The following PCDHGA1 variants were observed in gnomAD, a reference collection of about 807,000 sequenced individuals.
The protein encoded by PCDHGA1 is protocadherin gamma-A1.
Under a neutral mutation model 58.0 loss-of-function variants are expected in PCDHGA1, and 32 were observed. The observed-to-expected ratio is 0.55, with a 90% CI of 0.42 to 0.74. PCDHGA1 has a LOEUF of 0.74. Among genes scored for constraint, PCDHGA1 ranks in the 30% least tolerant of loss-of-function variants. The pLI is 0.00. For synonymous variants in PCDHGA1, 498 were observed against 501.1 expected, an observed-to-expected ratio of 0.99 and a Z score of 0.08; for missense variants, 1,205 against 1,182.3, an observed-to-expected ratio of 1.02 and a Z score of -0.28.
chr5:141,416,233 C>T (rs1313671195), intron 1 of PCDHGA1: 1 of 152,210 alleles, frequency 6.6e-6, no homozygotes, highest in Non-Finnish European at 1.5e-5. Flanking sequence ...ATTTTTCCAG[C>T]CCTATTTATA....
In PCDHGA1 at chr5:141,431,141, G is replaced by A. The variant is rs1262504427; in HGVS notation, c.2422-63666G>A. 24 of 1,614,212 alleles carry A rather than the reference G, an allele frequency of 1.5e-5. No individual in the cohort carries two copies. The highest frequency in any genetic ancestry group is 2.0e-5 in the Non-Finnish European group (24 of 1,180,030). On this transcript the variant is annotated intron_variant, in intron 1 of 3. Coordinates refer to ENST00000517417, the MANE Select transcript of PCDHGA1 (RefSeq NM_018912.3). The surrounding 1 kb of genome is among the most constrained non-coding windows in gnomAD (Gnocchi z 4.8). ...AGAAGTAGAAGTAAGGGACATTAAC[G>A]ACAATGCGCCTTACTTTCGTGAAAG...
intron 1 of PCDHGA1, among the ~76,000 whole-genome samples, chr5:141,460,478 A>G (rs989135238): frequency 6.6e-5 from 10 of 152,136 alleles, no homozygotes; most frequent in African/African-American, 2.4e-4. Context: ...GGAATATCCA[A>G]TTGTCTCTTT....
intron 1 of PCDHGA1, chr5:141,419,596 G>T: frequency 6.2e-7 from 1 of 1,611,682 alleles, no homozygotes; most frequent in Non-Finnish European, 8.5e-7. Flanking sequence ...ACACAGTGCC[G>T]CGGGCCGCGC....
In PCDHGA1 at chr5:141,330,780, C is replaced by G. The variant is rs749875861; in HGVS notation, c.96C>G (p.His32Gln). The G allele has an allele frequency of 1.2e-5, 19 of 1,614,130 alleles. No individual in the cohort carries two copies. The South Asian group carries it at 2.1e-4, about 18-fold the overall frequency. ...TGGAAGCTGGGGCTGGGAATATTCA[C>G]TACTCAGTGCCGGAAGAGACAGACA... ...LLLEAGAGNI[H>Q]YSVPEETDKG... is the part of the protein sequence containing the mutation. Residue 32 changes from histidine to glutamine, a missense_variant, in exon 1 of 4, where the codon CAC (histidine) becomes CAG (glutamine). Transcript: ENST00000517417.
intron 1 of PCDHGA1, chr5:141,468,401 C>G (rs943048252): frequency 6.7e-6 from 1 of 149,126 alleles, no homozygotes; most frequent in Non-Finnish European, 1.5e-5. Flanking sequence ...TTGGTGAGAA[C>G]TAATAATAAG....
At chr5:141,356,481 G>A in intron 1 of PCDHGA1, 1 of 1,613,916 alleles carries the variant, frequency 6.2e-7, no homozygotes, top group Non-Finnish European at 8.5e-7. Context: ...CCACTGACCA[G>A]GGAACTCCTC....
At chr5:141,427,153 T>C (rs2096993361) in intron 1 of PCDHGA1, 1 of 456,886 alleles carries the variant, frequency 2.2e-6, no homozygotes, top group Non-Finnish European at 4.4e-6. Context: ...GGAAATATGT[T>C]TGTGCTAGAC....
Position 141,486,046 on chromosome 5 carries a change from C to G in PCDHGA1, c.2422-8761C>G. 1.2e-6 allele frequency: 2 copies of G among 1,614,170 alleles called. No individual in the cohort carries two copies. Among genetic ancestry groups the G allele is most frequent in the Non-Finnish European group, 1.7e-6 (2 of 1,180,036 alleles). The stretch of plus-strand genomic sequence containing the variant: ...GTCATACCCCTGATCGTGTAAGAAA[C>G]CTCTTTAGCCTGCACCCCACTACTG... On this transcript the variant is annotated intron_variant, in intron 1 of 3. Coordinates refer to ENST00000517417, the MANE Select transcript of PCDHGA1 (RefSeq NM_018912.3). This position sits in a 1 kb window ranked among gnomAD's most constrained non-coding sequence, Gnocchi z 5.0.
At chr5:141,451,673 G>A (rs912482749) in intron 1 of PCDHGA1, among the ~76,000 whole-genome samples, 4 of 152,164 alleles carry the variant, frequency 2.6e-5, no homozygotes, top group African/African-American at 7.2e-5. Context: ...CTTGAGCCCA[G>A]GAGTTCAAGA....
At chr5:141,451,503 A>G (rs1395798374) in intron 1 of PCDHGA1, among the ~76,000 whole-genome samples, 1 of 152,234 alleles carries the variant, frequency 6.6e-6, no homozygotes, top group African/African-American at 2.4e-5. Flanking sequence ...TAGGGCAACC[A>G]GCTTCTGTTA....
chr5:141,499,836 A>G (rs2099794751), intron 2 of PCDHGA1, among the ~76,000 whole-genome samples: 1 of 151,894 alleles, frequency 6.6e-6, no homozygotes, highest in African/African-American at 2.4e-5. Flanking sequence ...ACAGGTGTGC[A>G]CCACCACACA....
chr5:141,362,761 A>G (rs1352755574), intron 1 of PCDHGA1: 3 of 639,654 alleles, frequency 4.7e-6, no homozygotes, highest in Non-Finnish European at 7.9e-6. Flanking sequence ...CCTTTATCAC[A>G]TGAGATATTG....
chr5:141,399,617 TGGCCTCTTACGTGTCCATGAGC>T, intron 1 of PCDHGA1: 4 of 1,613,944 alleles, frequency 2.5e-6, no homozygotes. Flanking sequence ...CCTCTGGCAC[TGGCCTCTTACGTGTCCATGAGC>T]GCGCAAAGTG....
intron 1 of PCDHGA1, chr5:141,413,387 T>A (rs902208287): frequency 1.2e-6 from 2 of 1,613,908 alleles, no homozygotes; most frequent in Non-Finnish European, 1.7e-6. Context: ...GTCCGCATAG[T>A]CTCCAGAGGT....
chr5:141,360,010 C>A, intron 1 of PCDHGA1: 1 of 1,236,796 alleles, frequency 8.1e-7, no homozygotes, highest in Non-Finnish European at 1.1e-6. Flanking sequence ...AAACCAACCA[C>A]ACAGAGAAGG....
At chr5:141,454,796 A>ATTTTTTTTTTTTTTTTTTTTTTTT (rs61612330) in intron 1 of PCDHGA1, among the ~76,000 whole-genome samples, 4 of 77,456 alleles carry the variant, frequency 5.2e-5, no homozygotes, top group Non-Finnish European at 9.3e-5. Flanking sequence ...CATGGTTCTA[A>ATTTTTTTTTTTTTTTTTTTTTTTT]TTTTTTTTTT....
chr5:141,389,191 T>A, intron 1 of PCDHGA1: 1 of 1,614,050 alleles, frequency 6.2e-7, no homozygotes, highest in Non-Finnish European at 8.5e-7. Context: ...AGTTCCAGCA[T>A]CACCCTGCAC....
rs759642890 is a variant in PCDHGA1 at position 141,389,812 on chromosome 5, C to A, written c.2421+56707C>A. ...GCCGTCCGCCAGCGCCTTCTGGTCG[C>A]CGTGCGTGACGGTGGACAGCCACCA... On this transcript the variant is annotated intron_variant, in intron 1 of 3. Transcript: ENST00000517417. 6.8e-6 allele frequency: 11 copies of A among 1,613,768 alleles called. No individual in the cohort carries two copies. The South Asian group carries it at 1.2e-4, about 18-fold the overall frequency.
chr5:141,393,465 G>T, intron 1 of PCDHGA1: 1 of 1,614,048 alleles, frequency 6.2e-7, no homozygotes, highest in Non-Finnish European at 8.5e-7. Context: ...CTCGGATGGC[G>T]GCAAGCCGCC....
Sources: gnomAD v4.1 joint callset for allele counts (sites outside exome capture counted in the v4.1 genomes callset) on GRCh38, gnomAD v4.1.1 for gene constraint, Gnocchi (gnomAD v3.1) non-coding constraint, MANE v1.5 for transcripts, NCBI Gene and HGNC (gene_info 2026-07-23, HGNC 2026-07-21) for gene names.